Variants in PHF11 observed in about 807,000 individuals in gnomAD.
The protein encoded by PHF11 is PHD finger protein 11.
Under a neutral mutation model 40.5 loss-of-function variants are expected in PHF11, and 38 were observed. The observed-to-expected ratio is 0.94, with a 90% CI of 0.72 to 1.23. The LOEUF (loss-of-function observed/expected upper bound fraction) is 1.23. PHF11 is among the 50% of genes most tolerant of loss of function. PHF11 has a pLI of 0.00. For missense variants in PHF11, 369 were observed against 392.4 expected (o/e 0.94, Z 0.50); for synonymous variants, 127 against 138.2 (o/e 0.92, Z 0.57).
At chr13:49,502,652 T>C (rs1958925251) in intron 1 of PHF11, among the ~76,000 whole-genome samples, 1 of 152,240 alleles carries the variant, frequency 6.6e-6, no homozygotes, top group Admixed American at 6.5e-5. Context: ...CACTTCTCTC[T>C]GCATTTCGTG....
chr13:49,508,667 A>G (rs940323760), intron 2 of PHF11, among the ~76,000 whole-genome samples: 1 of 152,084 alleles, frequency 6.6e-6, no homozygotes, highest in African/African-American at 2.4e-5. Context: ...TATTAGTTCT[A>G]AAACTTCTCT....
chr13:49,508,713 C>T (rs576827015), intron 2 of PHF11, among the ~76,000 whole-genome samples: 1 of 152,252 alleles, frequency 6.6e-6, no homozygotes, highest in South Asian at 2.1e-4. Context: ...GGACAATCCT[C>T]ATCTTTAAAT....
chr13:49,496,382 C>T (rs1958808567), intron 1 of PHF11: 5 of 1,144,006 alleles, frequency 4.4e-6, no homozygotes, highest in Admixed American at 4.8e-5. Context: ...TTACCTCCCC[C>T]GCGGGTGACA....
At chr13:49,518,195 A>C (rs1220062902) in intron 4 of PHF11, 44 bp downstream of exon 4, 2 of 1,395,722 alleles carry the variant, frequency 1.4e-6, no homozygotes, top group Admixed American at 3.9e-5. Flanking sequence ...GGGGATTGGG[A>C]TAAGGAATGG....
Position 49,528,621 on chromosome 13 carries a change from G to A in PHF11, c.952G>A (p.Asp318Asn). ...CTTGTGCTCTTTTCAAGAAAATAGA[G>A]ATCTTATGTCAAGTTCTACATCAAT... ...QTLCSFQENR[D>N]LMSSSTSISS... The change falls in exon 10 of 10, where the codon GAT (aspartate) becomes AAT (asparagine). Residue 318 changes from aspartate (D) to asparagine (N), a missense_variant. Asp to Asn is a conservative substitution (Grantham distance 23). Coordinates refer to ENST00000378319, the MANE Select transcript of PHF11 (RefSeq NM_001040443.3). 1 of 1,610,942 alleles carries A rather than the reference G, an allele frequency of 6.2e-7. No homozygotes were observed. Among genetic ancestry groups the A allele is most frequent in the Non-Finnish European group, 8.5e-7 (1 of 1,177,762 alleles).
intron 3 of PHF11, among the ~76,000 whole-genome samples, chr13:49,514,017 C>T (rs1959115121): frequency 1.3e-5 from 2 of 152,188 alleles, no homozygotes; most frequent in Non-Finnish European, 2.9e-5. Flanking sequence ...TCTTTCTGCA[C>T]CAACTGCTGG....
At chr13:49,509,599 T>A (rs1959056877) in intron 2 of PHF11, among the ~76,000 whole-genome samples, 1 of 152,190 alleles carries the variant, frequency 6.6e-6, no homozygotes, top group Non-Finnish European at 1.5e-5. Flanking sequence ...TCCCCACGTG[T>A]CAAGGGTGGA....
intron 4 of PHF11, 131 bp from the exon 5 acceptor site, chr13:49,520,763 C>CA (rs200207713): frequency 0.17 from 79,992 of 479,412 alleles, no homozygotes; most frequent in Middle Eastern, 0.21. Context: ...CACAGGGCTT[C>CA]AAAAAAAAAA....
At chr13:49,516,506 T>C (rs1959157515) in intron 3 of PHF11, among the ~76,000 whole-genome samples, 1 of 149,494 alleles carries the variant, frequency 6.7e-6, no homozygotes, top group Admixed American at 6.7e-5. Context: ...CTACAAACAT[T>C]CTTCTTTCAA....
In PHF11 at chr13:49,528,756, C is replaced by A; in HGVS notation, c.*91C>A. On this transcript the variant is annotated 3_prime_UTR_variant, in exon 10 of 10. Coordinates refer to ENST00000378319, the MANE Select transcript of PHF11 (RefSeq NM_001040443.3). ...CTGTGAAATCCACACATCTTTAGAA[C>A]TAGTCGTCTCCTCTTGGCCTCAGCA... 1.1e-6 allele frequency: 1 copy of A among 873,642 alleles called. No individual in the cohort carries two copies. Among genetic ancestry groups the A allele is most frequent in the Non-Finnish European group, 1.8e-6 (1 of 561,094 alleles). The allele number at this position is 873,642 out of a possible 1,614,324, so 54.1% of individuals were successfully genotyped here.
At chr13:49,498,144 G>C (rs901389813) in intron 1 of PHF11, among the ~76,000 whole-genome samples, 2 of 152,192 alleles carry the variant, frequency 1.3e-5, no homozygotes, top group African/African-American at 4.8e-5. Flanking sequence ...TTAGTGCCTA[G>C]ACTGGTTGGC....
At chr13:49,504,480 C>G (rs577556564) in intron 1 of PHF11, among the ~76,000 whole-genome samples, 1 of 147,798 alleles carries the variant, frequency 6.8e-6, no homozygotes, top group South Asian at 2.1e-4. Flanking sequence ...CCCCAGCCCC[C>G]CGCCCGGCCA....
At chr13:49,523,484 CACAG>C (rs1959201627) in intron 7 of PHF11, 2 of 497,840 alleles carry the variant, frequency 4.0e-6, no homozygotes, top group East Asian at 3.7e-5. Context: ...TTAATAAAGA[CACAG>C]ACAGGCTTGC....
chr13:49,506,552 C>G, intron 1 of PHF11, 83 bp from the exon 2 acceptor site: 3 of 1,218,292 alleles, frequency 2.5e-6, no homozygotes, highest in Non-Finnish European at 3.6e-6. Context: ...AAGTGCCCTG[C>G]CTTCCACTTG....
intron 3 of PHF11, among the ~76,000 whole-genome samples, chr13:49,514,605 A>T (rs1566192322): frequency 6.6e-6 from 1 of 152,052 alleles, no homozygotes. Context: ...AAAAGAAAAA[A>T]AAATTAGCCC....
In PHF11 at chr13:49,506,677, C is replaced by G; in HGVS notation, c.137C>G (p.Ala46Gly). 1 of 1,609,164 alleles carries G rather than the reference C, an allele frequency of 6.2e-7. No homozygotes were observed. Among genetic ancestry groups the G allele is most frequent in the South Asian group, 1.1e-5 (1 of 90,996 alleles). ...VAEKMEKRTC[A>G]LCPKDVEYNV... Reference sequence around the variant, plus strand: ...GAAAAGATGGAAAAAAGGACATGTGCACTCTGCCCCAAAGATGTCGAATAT... The same window carrying G: ...GAAAAGATGGAAAAAAGGACATGTGGACTCTGCCCCAAAGATGTCGAATAT... Residue 46 changes from alanine (A) to glycine (G), a missense_variant, in exon 2 of 10, where the codon GCA becomes GGA. Physicochemically the swap from Ala to Gly is moderately conservative, Grantham distance 60. Transcript: ENST00000378319.
chr13:49,510,147 C>A (rs1408584270), intron 2 of PHF11, among the ~76,000 whole-genome samples: 1 of 152,100 alleles, frequency 6.6e-6, no homozygotes. Flanking sequence ...ATCTCAGCCT[C>A]CAGAGTAGCT....
chr13:49,518,350 T>C (rs7329078), intron 4 of PHF11, 199 bp downstream of exon 4: 177,566 of 274,210 alleles, frequency 0.65, 58,378 homozygotes, highest in East Asian at 0.87. Flanking sequence ...ATTATTTTAG[T>C]CACAATATCT....
chr13:49,501,709 T>C (rs925201770), intron 1 of PHF11, among the ~76,000 whole-genome samples: 2 of 152,182 alleles, frequency 1.3e-5, no homozygotes, highest in Non-Finnish European at 1.5e-5. Flanking sequence ...TTTTGTTTTT[T>C]TGAGGAGTTT....
Sources: allele counts gnomAD v4.1 joint callset (sites outside exome capture counted in the v4.1 genomes callset), GRCh38; gene constraint gnomAD v4.1.1; transcripts MANE v1.5; gene names NCBI Gene and HGNC (gene_info 2026-07-23, HGNC 2026-07-21).